FARS2: variants seen among roughly 807,000 people sequenced by gnomAD.
The protein encoded by FARS2 is phenylalanine--tRNA ligase, mitochondrial.
FARS2 carries 40 observed loss-of-function variants against 46.4 expected under a neutral mutation model. The observed-to-expected ratio is 0.86, with a 90% CI of 0.67 to 1.12. FARS2 has a LOEUF of 1.12. Ranked by LOEUF, FARS2 falls within the 50% of genes most tolerant of loss-of-function variation. FARS2 has a pLI of 0.00. For synonymous variants in FARS2, 234 were observed against 214.9 expected, an observed-to-expected ratio of 1.09 and a Z score of -0.78; for missense variants, 513 against 567.9, an observed-to-expected ratio of 0.90 and a Z score of 0.98.
At chr6:5,678,836 C>T (rs537695881) in intron 6 of FARS2, among the ~76,000 whole-genome samples, 2 of 152,278 alleles carry the variant, frequency 1.3e-5, no homozygotes, top group African/African-American at 4.8e-5. Context: ...CCCTCTTTCT[C>T]CAAAGTTTTG....
At chr6:5,537,697 C>G (rs1325951804) in intron 4 of FARS2, among the ~76,000 whole-genome samples, 2 of 152,386 alleles carry the variant, frequency 1.3e-5, no homozygotes, top group Non-Finnish European at 2.9e-5. Flanking sequence ...TTTGCAAATG[C>G]TTCCCTCTCT....
chr6:5,432,050 A>G (rs951552611), intron 4 of FARS2, among the ~76,000 whole-genome samples: 1 of 150,624 alleles, frequency 6.6e-6, no homozygotes, highest in African/African-American at 2.4e-5. Flanking sequence ...AGGCTCGTGC[A>G]CTTTAGGAGG....
rs564913272 is a variant in FARS2 at position 5,545,435 on chromosome 6, A to G, written c.1065+95A>G. On this transcript the variant is annotated intron_variant, in intron 5 of 6. Transcript: ENST00000274680. ...CTTGAAAGCCACTGAATTTTATTTT[A>G]TTTATTTTATTTTATTTTCATTTTA... The G allele has an allele frequency of 2.1e-5, 19 of 906,754 alleles. No individual in the cohort carries two copies. The African/African-American group carries it at 2.9e-4, about 14-fold the overall frequency. 56.2% of individuals were successfully genotyped at this position (906,754 alleles called of 1,614,324 possible). A position where few individuals can be genotyped will look rare whatever the true frequency, so the allele number is the denominator to read the frequency against.
At chr6:5,511,943 C>T (rs566100779) in intron 4 of FARS2, among the ~76,000 whole-genome samples, 2 of 152,322 alleles carry the variant, frequency 1.3e-5, no homozygotes, top group South Asian at 2.1e-4. Context: ...TATAAAGGTT[C>T]AACAAGTTTC....
At chr6:5,410,336 A>G (rs143177975) in intron 3 of FARS2, among the ~76,000 whole-genome samples, 52 of 151,138 alleles carry the variant, frequency 3.4e-4, no homozygotes, top group African/African-American at 1.2e-3. Flanking sequence ...TGTATTTTGT[A>G]TTTTTAGTAG....
chr6:5,510,446 T>C (rs975340208), intron 4 of FARS2, among the ~76,000 whole-genome samples: 1 of 152,200 alleles, frequency 6.6e-6, no homozygotes, highest in African/African-American at 2.4e-5. Flanking sequence ...AGAGCATTTG[T>C]CTGACCGTGA....
chr6:5,501,846 C>T (rs537348718), intron 4 of FARS2, among the ~76,000 whole-genome samples: 2 of 152,290 alleles, frequency 1.3e-5, no homozygotes, highest in South Asian at 2.1e-4. Flanking sequence ...TTAAAATATG[C>T]CAGAATGGGC....
rs1374007530 is a variant in FARS2 at position 5,445,184 on chromosome 6, G to C, written c.904+14012G>C. ...TCTTCCTCTTAAAGAAATTCTTAGAGACCTTTAAAAAAAAAGAGAGAAAAA... is the reference window on the plus strand; with the variant it reads ...TCTTCCTCTTAAAGAAATTCTTAGACACCTTTAAAAAAAAAGAGAGAAAAA... On this transcript the variant is annotated intron_variant, in intron 4 of 6. Transcript: ENST00000274680. Among the ~76,000 whole-genome samples, 4 of 49,332 alleles carry C rather than the reference G, an allele frequency of 8.1e-5. 1 individual carries two copies. The allele number at this position is 49,332 out of a possible 152,430, so 32.4% of individuals were successfully genotyped here. A position where few individuals can be genotyped will look rare whatever the true frequency, so the allele number is the denominator to read the frequency against.
chr6:5,761,798 GT>G (rs1762487581), intron 6 of FARS2, among the ~76,000 whole-genome samples: 1 of 143,832 alleles, frequency 7.0e-6, no homozygotes, highest in South Asian at 2.2e-4. Flanking sequence ...AGCATTAAGA[GT>G]GGAGGATCTA....
At chr6:5,493,276 T>A (rs1195308450) in intron 4 of FARS2, among the ~76,000 whole-genome samples, 1 of 152,060 alleles carries the variant, frequency 6.6e-6, no homozygotes, top group Admixed American at 6.5e-5. Context: ...GCTCTCTCAT[T>A]ACTTAACTGT....
At chr6:5,373,793 C>G (rs544745035) in intron 2 of FARS2, among the ~76,000 whole-genome samples, 8 of 151,826 alleles carry the variant, frequency 5.3e-5, no homozygotes, top group African/African-American at 1.9e-4. Flanking sequence ...AAGCGCTGCT[C>G]TATGGGATAA....
At chr6:5,569,895 A>G (rs1772541294) in intron 5 of FARS2, among the ~76,000 whole-genome samples, 1 of 152,188 alleles carries the variant, frequency 6.6e-6, no homozygotes, top group South Asian at 2.1e-4. Flanking sequence ...CTTCCTCCAG[A>G]AAAGAGGACT....
chr6:5,319,867 G>T (rs1033634951), intron 1 of FARS2, among the ~76,000 whole-genome samples: 5 of 152,156 alleles, frequency 3.3e-5, no homozygotes, highest in African/African-American at 1.2e-4. Context: ...TGGCCAGACT[G>T]CTTCTAACAA....
intron 6 of FARS2, among the ~76,000 whole-genome samples, chr6:5,672,648 C>T (rs965589376): frequency 2.6e-5 from 4 of 152,174 alleles, no homozygotes; most frequent in Non-Finnish European, 5.9e-5. Context: ...TTCTACACCT[C>T]CCTCCTTCCC....
chr6:5,372,785 G>A (rs1759138235), intron 2 of FARS2, among the ~76,000 whole-genome samples: 1 of 152,044 alleles, frequency 6.6e-6, no homozygotes, highest in Non-Finnish European at 1.5e-5. Flanking sequence ...GTTAACATTA[G>A]AAAAACAAAA....
chr6:5,609,999 C>T, intron 5 of FARS2: 3 of 1,087,220 alleles, frequency 2.8e-6, no homozygotes, highest in South Asian at 1.2e-5. Context: ...CTGCTTCCAC[C>T]TCCTCCGCAG....
chr6:5,608,620 A>G (rs921362725), intron 5 of FARS2, among the ~76,000 whole-genome samples: 3 of 72,118 alleles, frequency 4.2e-5, no homozygotes, highest in African/African-American at 1.0e-4. Flanking sequence ...ATTTAGATAT[A>G]TTGCATAGGA....
upstream of FARS2, among the ~76,000 whole-genome samples, chr6:5,259,284 T>C (rs1024576524): frequency 6.6e-6 from 1 of 152,258 alleles, no homozygotes; most frequent in Middle Eastern, 3.2e-3. Flanking sequence ...ATATTTCATG[T>C]GTTTCCTCAA....
chr6:5,276,443 T>C (rs1200530970), intron 1 of FARS2, among the ~76,000 whole-genome samples: 1 of 152,242 alleles, frequency 6.6e-6, no homozygotes, highest in African/African-American at 2.4e-5. Flanking sequence ...TAAATAATTA[T>C]ACTGGCATGA....
Sources: gnomAD v4.1 joint callset for allele counts (sites outside exome capture counted in the v4.1 genomes callset) on GRCh38, gnomAD v4.1.1 for gene constraint, MANE v1.5 for transcripts, NCBI Gene and HGNC (gene_info 2026-07-23, HGNC 2026-07-21) for gene names.